DNAH3: variants seen among roughly 807,000 people sequenced by gnomAD.
DNAH3 encodes the protein axonemal beta dynein heavy chain 3.
A neutral mutation model predicts 432.5 loss-of-function variants in DNAH3; 332 were observed. The ratio of observed to expected loss-of-function variants is 0.77; its 90% CI spans 0.70 to 0.84. The LOEUF (loss-of-function observed/expected upper bound fraction) is 0.84. Among genes scored for constraint, DNAH3 ranks in the 40% least tolerant of loss-of-function variants. DNAH3 has a pLI of 0.00. For synonymous variants in DNAH3, 1,956 were observed against 1,900.2 expected (o/e 1.03, Z -0.76); for missense variants, 4,861 against 5,114.0 (o/e 0.95, Z 1.51).
At chr16:20,987,163 G>A (rs1035641469) in intron 47 of DNAH3, 142 bp downstream of exon 47, 9 of 976,006 alleles carry the variant, frequency 9.2e-6, no homozygotes, top group Non-Finnish European at 1.1e-5. Flanking sequence ...GTCAAAAAGA[G>A]CAGTTGACTC....
chr16:21,064,464 C>T (rs1465018131), intron 24 of DNAH3, among the ~76,000 whole-genome samples: 1 of 152,206 alleles, frequency 6.6e-6, no homozygotes, highest in East Asian at 1.9e-4. Context: ...TGTTGTTTCA[C>T]ACTTCTAACT....
At chr16:20,941,719 C>T (rs987245221) in intron 58 of DNAH3, among the ~76,000 whole-genome samples, 176 bp from the exon 59 acceptor site, 1 of 151,612 alleles carries the variant, frequency 6.6e-6, no homozygotes, top group Non-Finnish European at 1.5e-5. Context: ...CCTCATCACC[C>T]CACCAGCCTT....
intron 55 of DNAH3, among the ~76,000 whole-genome samples, chr16:20,954,048 A>G (rs2152591542): frequency 6.6e-6 from 1 of 152,004 alleles, no homozygotes; most frequent in South Asian, 2.1e-4. Flanking sequence ...AACACGGTGA[A>G]ACCCCATCTC....
rs576474959 is a variant in DNAH3, at chr16:21,048,257, G to A, written c.4461+1312C>T. Among the ~76,000 whole-genome samples the A allele has an allele frequency of 2.6e-4, 40 of 152,344 alleles. No homozygotes were observed. In the East Asian group the frequency reaches 5.6e-3, roughly 21 times the overall value. On this transcript the variant is annotated intron_variant, in intron 31 of 61. Transcript: ENST00000261383. ...TACCTAATCAAGCCTGGGCAATGGCGGGCGCCCCTCCCCCAGCCAGGCTGC... is the reference window on the plus strand; with the variant it reads ...TACCTAATCAAGCCTGGGCAATGGCAGGCGCCCCTCCCCCAGCCAGGCTGC...
At chr16:21,152,685 C>G (rs973278581) in intron 1 of DNAH3, among the ~76,000 whole-genome samples, 1 of 152,260 alleles carries the variant, frequency 6.6e-6, no homozygotes, top group Non-Finnish European at 1.5e-5. Context: ...GGGCCCCGCA[C>G]TGGGAGCAGC....
At chr16:21,156,429 G>A (rs563797521) in intron 1 of DNAH3, among the ~76,000 whole-genome samples, 6 of 151,694 alleles carry the variant, frequency 4.0e-5, no homozygotes, top group African/African-American at 9.7e-5. Flanking sequence ...AAGAGGTTTC[G>A]CCATGTTGCC....
At chr16:20,952,488 C>T (rs1187561995) in exon 56 of DNAH3, 2 of 1,613,662 alleles carry the variant, frequency 1.2e-6, no homozygotes, top group Non-Finnish European at 1.7e-6. Context: ...TGAGAAACAT[C>T]TGGATCTGCC....
intron 41 of DNAH3, among the ~76,000 whole-genome samples, chr16:21,005,270 C>G (rs1278565029): frequency 7.0e-6 from 1 of 143,720 alleles, no homozygotes; most frequent in African/African-American, 2.8e-5. Context: ...TCCCTCCCTT[C>G]TTTCTTTCTT....
intron 41 of DNAH3, among the ~76,000 whole-genome samples, chr16:21,013,086 ATAATC>A (rs1439729454): frequency 6.6e-6 from 1 of 152,180 alleles, no homozygotes; most frequent in African/African-American, 2.4e-5. Flanking sequence ...TCTAAAATCA[ATAATC>A]TAAGCATTCA....
intron 44 of DNAH3, among the ~76,000 whole-genome samples, chr16:20,989,536 G>T (rs1441329653): frequency 6.6e-6 from 1 of 152,262 alleles, no homozygotes; most frequent in East Asian, 1.9e-4. Context: ...TAGACATAAA[G>T]GTTCTCCAAG....
chr16:21,120,778 C>T (rs763099435), exon 11 of DNAH3: 1 of 1,614,174 alleles, frequency 6.2e-7, no homozygotes, highest in South Asian at 1.1e-5. Context: ...GCTGGGCTCT[C>T]CTGGCTCAGC....
At position 21,033,598 on chromosome 16, in the gene DNAH3, G is replaced by C. The variant is rs1388137005; in HGVS notation, c.5197+376C>G. On this transcript the variant is annotated intron_variant, in intron 36 of 61. Transcript: ENST00000261383. Reference sequence around the variant, plus strand: ...GGAAGGAGGGAGGGAAAAAACTAAAGGGAAGGGAACAGGAAAAGAAGAGAA... The same window carrying C: ...GGAAGGAGGGAGGGAAAAAACTAAACGGAAGGGAACAGGAAAAGAAGAGAA... Among the ~76,000 whole-genome samples, 3 of 152,098 alleles carry C rather than the reference G, an allele frequency of 2.0e-5. No individual in the cohort carries two copies. In the East Asian group the frequency reaches 5.8e-4, roughly 29 times the overall value.
intron 37 of DNAH3, among the ~76,000 whole-genome samples, chr16:21,028,160 ATTTTTTG>A (rs931606353): frequency 5.3e-5 from 8 of 151,674 alleles, no homozygotes; most frequent in African/African-American, 1.7e-4. Context: ...CTAGTTTTTT[ATTTTTTG>A]TTTTTTGTTT....
intron 58 of DNAH3, among the ~76,000 whole-genome samples, chr16:20,942,067 G>GT (rs1187610969): frequency 8.0e-6 from 1 of 125,180 alleles, no homozygotes; most frequent in Non-Finnish European, 1.7e-5. Flanking sequence ...CTGTCTAAAA[G>GT]TTAAAAAAAA....
chr16:20,987,161 G>A (rs1459202139), intron 47 of DNAH3, 144 bp downstream of exon 47: 11 of 965,478 alleles, frequency 1.1e-5, no homozygotes, highest in Non-Finnish European at 1.7e-5. Context: ...AAGTCAAAAA[G>A]AGCAGTTGAC....
At chr16:21,039,716 A>T in intron 33 of DNAH3, 136 bp downstream of exon 33, 1 of 759,150 alleles carries the variant, frequency 1.3e-6, no homozygotes, top group Non-Finnish European at 2.4e-6. Context: ...ATGTGCTCTC[A>T]GACCACCCAG....
At chr16:21,079,221 C>T (rs758787484) in intron 20 of DNAH3, among the ~76,000 whole-genome samples, 10 of 152,136 alleles carry the variant, frequency 6.6e-5, no homozygotes, top group African/African-American at 1.9e-4. Context: ...TTCATTCTTT[C>T]GGTTACTAGT....
At chr16:21,120,916 A>G (rs774429937) in intron 10 of DNAH3, 6 of 1,280,448 alleles carry the variant, frequency 4.7e-6, no homozygotes, top group Non-Finnish European at 6.7e-6. Flanking sequence ...TCCTAGGGAT[A>G]CTGGTTGTAG....
intron 28 of DNAH3, among the ~76,000 whole-genome samples, chr16:21,052,634 C>T (rs1251373117): frequency 6.6e-6 from 1 of 152,146 alleles, no homozygotes; most frequent in African/African-American, 2.4e-5. Flanking sequence ...ACATACATAT[C>T]TACAGCTAGA....
Sources: allele counts gnomAD v4.1 joint callset (sites outside exome capture counted in the v4.1 genomes callset), GRCh38; gene constraint gnomAD v4.1.1; transcripts MANE v1.5; gene names NCBI Gene and HGNC (gene_info 2026-07-23, HGNC 2026-07-21).